The following HECA variants were observed in gnomAD, a reference collection of about 807,000 sequenced individuals.
HECA encodes the protein headcase protein homolog.
A neutral mutation model predicts 37.6 loss-of-function variants in HECA; 13 were observed. The ratio of observed to expected loss-of-function variants is 0.35; its 90% CI spans 0.23 to 0.55. The LOEUF is 0.55. Among genes scored for constraint, HECA ranks in the 20% least tolerant of loss-of-function variants. HECA has a pLI of 0.90. For missense variants in HECA, 527 were observed against 701.9 expected, an observed-to-expected ratio of 0.75 and a Z score of 2.82; for synonymous variants, 307 against 291.5, an observed-to-expected ratio of 1.05 and a Z score of -0.54.
At chr6:139,160,480 C>T (rs929270978) in intron 1 of HECA, among the ~76,000 whole-genome samples, 2 of 152,164 alleles carry the variant, frequency 1.3e-5, no homozygotes, top group African/African-American at 4.8e-5. Flanking sequence ...CACTCATTGC[C>T]GAGGCTCACT....
chr6:139,136,910 A>C (rs967507165), intron 1 of HECA, among the ~76,000 whole-genome samples: 40 of 152,164 alleles, frequency 2.6e-4, no homozygotes, highest in African/African-American at 8.2e-4. Flanking sequence ...CTGAGATTAC[A>C]GGCGTGAGTC....
At chr6:139,163,705 G>C (rs1473891675) in intron 1 of HECA, among the ~76,000 whole-genome samples, 1 of 152,126 alleles carries the variant, frequency 6.6e-6, no homozygotes, top group African/African-American at 2.4e-5. Context: ...TAAATTCTGA[G>C]TTCATTTCTT....
chr6:139,159,363 C>G (rs1774763954), intron 1 of HECA: 1 of 152,176 alleles, frequency 6.6e-6, no homozygotes. Flanking sequence ...TCTAATAAAA[C>G]AGTTTTGAAA....
chr6:139,164,419 T>G (rs980463538), intron 1 of HECA, among the ~76,000 whole-genome samples: 4 of 152,040 alleles, frequency 2.6e-5, no homozygotes, highest in Non-Finnish European at 5.9e-5. Flanking sequence ...AGATACTGAG[T>G]GCTCAGGCCT....
chr6:139,176,938 C>G lies in HECA; in HGVS notation c.1468-3C>G. The G allele has an allele frequency of 2.3e-6, 2 of 869,292 alleles. No homozygotes were observed. Among genetic ancestry groups the G allele is most frequent in the Non-Finnish European group, 4.0e-6 (2 of 499,000 alleles). 53.8% of individuals were successfully genotyped at this position (869,292 alleles called of 1,614,324 possible). A position where few individuals can be genotyped will look rare whatever the true frequency, so the allele number is the denominator to read the frequency against. On this transcript the variant is annotated splice_region_variant and splice_polypyrimidine_tract_variant and intron_variant, in intron 3 of 3. Transcript: ENST00000367658. This position sits in a 1 kb window ranked among gnomAD's most constrained non-coding sequence, Gnocchi z 4.5. ...TGTGGCTGATGGTGTCTGTTTCCCCCAGGCCCGCCTGAACTGTAAGCACTG... is the reference window on the plus strand; with the variant it reads ...TGTGGCTGATGGTGTCTGTTTCCCCGAGGCCCGCCTGAACTGTAAGCACTG...
In HECA at chr6:139,167,230, G is replaced by A. The variant is rs145909139; in HGVS notation, c.1218G>A (p.Pro406=). Residue 406 remains proline, a synonymous_variant, in exon 2 of 4, where the codon CCG becomes CCA. Coordinates refer to ENST00000367658, the MANE Select transcript of HECA (RefSeq NM_016217.3). ...VNCALCHRAL[P]VFEQFPLVDG... is the part of the protein sequence containing the mutation. The stretch of plus-strand genomic sequence containing the variant: ...GTGCCCTGTGCCACCGGGCGCTCCC[G>A]GTGTTCGAACAGTTCCCACTGGTGG... 3.1e-5 allele frequency: 50 copies of A among 1,614,128 alleles called. No individual in the cohort carries two copies. Among genetic ancestry groups the A allele is most frequent in the East Asian group, 2.2e-4 (10 of 44,864 alleles).
At chr6:139,170,986 C>G (rs879836137) in intron 2 of HECA, among the ~76,000 whole-genome samples, 11 of 151,870 alleles carry the variant, frequency 7.2e-5, no homozygotes, top group Non-Finnish European at 1.2e-4. Context: ...CACTTTGTTT[C>G]TAGACCAGAT....
rs563360337 is a variant in HECA, at chr6:139,166,855, T to G, written c.843T>G (p.Ser281=). 28 of 1,613,932 alleles carry G rather than the reference T, an allele frequency of 1.7e-5. No homozygotes were observed. The East Asian group carries it at 5.4e-4, about 31-fold the overall frequency. The change falls in exon 2 of 4, where the codon TCT becomes TCG. Residue 281 remains serine, a synonymous_variant. Coordinates refer to ENST00000367658, the MANE Select transcript of HECA (RefSeq NM_016217.3). The stretch of plus-strand genomic sequence containing the variant: ...CACCCACGGGCTACTCCATCCTCTC[T>G]CCTGCCCACTTCAGCGGCCCCCGCT... ...QSPPTGYSIL[S]PAHFSGPRSS...
rs1775049647 is a variant in HECA at position 139,176,172 on chromosome 6, G to A, written c.1468-769G>A. Among the ~76,000 whole-genome samples the A allele has an allele frequency of 6.6e-6, 1 of 152,174 alleles. No homozygotes were observed. Among genetic ancestry groups the A allele is most frequent in the African/African-American group, 2.4e-5 (1 of 41,434 alleles). On this transcript the variant is annotated intron_variant, in intron 3 of 3. Coordinates refer to ENST00000367658, the MANE Select transcript of HECA (RefSeq NM_016217.3). The surrounding 1 kb of genome is among the most constrained non-coding windows in gnomAD (Gnocchi z 4.5). Reference sequence around the variant, plus strand: ...TCCTGCAGTGGCTGAGGATCAGCAGGCTGCTTTGGTTCACTCCAGCCTTGC... The same window carrying A: ...TCCTGCAGTGGCTGAGGATCAGCAGACTGCTTTGGTTCACTCCAGCCTTGC...
chr6:139,138,454 T>G (rs1774476662), intron 1 of HECA, among the ~76,000 whole-genome samples: 2 of 152,264 alleles, frequency 1.3e-5, no homozygotes, highest in Non-Finnish European at 2.9e-5. Context: ...GTCAGCTATC[T>G]ACATCTGCAA....
rs773136893 is a variant in HECA at position 139,167,215 on chromosome 6, C to T, written c.1203C>T (p.Cys401=). 11 of 1,614,002 alleles carry T rather than the reference C, an allele frequency of 6.8e-6. No homozygotes were observed. Among genetic ancestry groups the T allele is most frequent in the East Asian group, 4.5e-5 (2 of 44,878 alleles). ...SHRNVVNCAL[C]HRALPVFEQF... ...GAAACGTGGTAAACTGTGCCCTGTG[C>T]CACCGGGCGCTCCCGGTGTTCGAAC... The change falls in exon 2 of 4, where the codon TGC becomes TGT. Residue 401 remains cysteine, a synonymous_variant. Coordinates refer to ENST00000367658, the MANE Select transcript of HECA (RefSeq NM_016217.3).
At chr6:139,154,817 AG>A (rs1186687332) in intron 1 of HECA, among the ~76,000 whole-genome samples, 2 of 152,254 alleles carry the variant, frequency 1.3e-5, no homozygotes, top group Non-Finnish European at 2.9e-5. Context: ...ATGAGTAAAG[AG>A]GTTTGAGTAT....
At chr6:139,162,433 A>C (rs1029059145) in intron 1 of HECA, among the ~76,000 whole-genome samples, 16 of 152,218 alleles carry the variant, frequency 1.1e-4, no homozygotes, top group Non-Finnish European at 2.4e-4. Flanking sequence ...GGAAACTGAC[A>C]CAAAGAGAAG....
chr6:139,148,495 G>A (rs1385170559), intron 1 of HECA, among the ~76,000 whole-genome samples: 1 of 152,232 alleles, frequency 6.6e-6, no homozygotes, highest in Admixed American at 6.5e-5. Context: ...CAGGTGTGGT[G>A]GCTTACGCCT....
chr6:139,136,914 G>A (rs1774455018), intron 1 of HECA, among the ~76,000 whole-genome samples: 1 of 152,122 alleles, frequency 6.6e-6, no homozygotes, highest in Non-Finnish European at 1.5e-5. Flanking sequence ...GATTACAGGC[G>A]TGAGTCACCA....
At chr6:139,137,002 C>T (rs1774456652) in intron 1 of HECA, among the ~76,000 whole-genome samples, 1 of 152,206 alleles carries the variant, frequency 6.6e-6, no homozygotes, top group African/African-American at 2.4e-5. Context: ...ACATAGGCGG[C>T]TGAATGTCGC....
intron 1 of HECA, among the ~76,000 whole-genome samples, chr6:139,154,542 C>T (rs1020986891): frequency 6.6e-5 from 10 of 152,208 alleles, no homozygotes; most frequent in African/African-American, 2.2e-4. Flanking sequence ...ATTTTCTAAC[C>T]GGTAACTGGT....
At chr6:139,170,237 G>A (rs998616732) in intron 2 of HECA, 1 of 152,130 alleles carries the variant, frequency 6.6e-6, no homozygotes, top group Non-Finnish European at 1.5e-5. Context: ...ATCCATGATG[G>A]ACAGATTATT....
chr6:139,166,352 C>G lies in HECA; in HGVS notation c.340C>G (p.Gln114Glu). ...GGTGGACCTGGAGAAGGACGACTACCAGAAGGTGGTGTGCAACAACGAGCA... is the reference window on the plus strand; with the variant it reads ...GGTGGACCTGGAGAAGGACGACTACGAGAAGGTGGTGTGCAACAACGAGCA... ...RPVDLEKDDYQKVVCNNEHCP... is the reference protein window; with the variant it reads ...RPVDLEKDDYEKVVCNNEHCP... Residue 114 changes from glutamine (Q) to glutamate (E), a missense_variant, in exon 2 of 4, where the codon CAG (glutamine) becomes GAG (glutamate). Gln to Glu is a conservative substitution (Grantham distance 29). Transcript: ENST00000367658. 2 of 1,614,062 alleles carry G rather than the reference C, an allele frequency of 1.2e-6. No individual in the cohort carries two copies. Among genetic ancestry groups the G allele is most frequent in the Non-Finnish European group, 1.7e-6 (2 of 1,179,938 alleles).
Sources: gnomAD v4.1 joint callset for allele counts (sites outside exome capture counted in the v4.1 genomes callset) on GRCh38, gnomAD v4.1.1 for gene constraint, Gnocchi (gnomAD v3.1) non-coding constraint, MANE v1.5 for transcripts, NCBI Gene and HGNC (gene_info 2026-07-23, HGNC 2026-07-21) for gene names.